SPG11: variants seen among roughly 807,000 people sequenced by gnomAD.
The protein encoded by SPG11 is spatacsin.
SPG11 carries 222 observed loss-of-function variants against 274.0 expected under a neutral mutation model. The observed-to-expected ratio is 0.81, with a 90% CI of 0.73 to 0.91. SPG11 has a LOEUF of 0.91. Ranked by LOEUF, SPG11 falls within the 40% of genes least tolerant of loss-of-function variation. SPG11 has a pLI of 0.00. For missense variants in SPG11, 3,114 were observed against 2,872.7 expected (o/e 1.08, Z -1.92); for synonymous variants, 1,144 against 1,039.7 (o/e 1.10, Z -1.93).
intron 2 of SPG11, 91 bp from the exon 3 acceptor site, chr15:44,659,394 A>T: frequency 1.7e-6 from 2 of 1,158,442 alleles, no homozygotes; most frequent in Non-Finnish European, 2.5e-6. Context: ...AAAAAAGTAA[A>T]ACAAAAAAGG....
intron 30 of SPG11, among the ~76,000 whole-genome samples, chr15:44,579,054 A>G (rs1328420831): frequency 6.6e-6 from 1 of 152,120 alleles, no homozygotes; most frequent in Non-Finnish European, 1.5e-5. Flanking sequence ...GCTACTCGGG[A>G]GGCTGAGACA....
Position 44,563,185 on chromosome 15 carries a change from A to C in SPG11, c.7268T>G (p.Ile2423Ser). 1 of 1,614,172 alleles carries C rather than the reference A, an allele frequency of 6.2e-7. No homozygotes were observed. The highest frequency in any genetic ancestry group is 1.7e-4 in the Middle Eastern group (1 of 6,060). ...KLAYEHKFYE[I>S]VNVLLKDPQT... ...AGGGTCCTTCAGAAGCACATTTACA[A>C]TTTCATAAAACTTGTGTTCGTATGC... Residue 2423 changes from isoleucine to serine, a missense_variant, in exon 40 of 40, where the codon ATT becomes AGT. By Grantham distance (142) the Ile-to-Ser change is moderately radical. Coordinates refer to ENST00000261866, the MANE Select transcript of SPG11 (RefSeq NM_025137.4).
chr15:44,628,149 T>A (rs1259594634), intron 10 of SPG11, among the ~76,000 whole-genome samples: 1 of 152,224 alleles, frequency 6.6e-6, no homozygotes, highest in East Asian at 1.9e-4. Flanking sequence ...ATTTTAGTTG[T>A]ATTATAACTT....
At position 44,595,297 on chromosome 15, in the gene SPG11, T is replaced by C; in HGVS notation, c.4597A>G (p.Ser1533Gly). ...TGGAAACCTCTGATGAGAGTTTTGC[T>C]CTTTTGTCTTGTTAATAATGTTCTC... is the stretch of plus-strand genomic sequence containing the variant. ...IWRTLLTRQK[S>G]KTLIRGFQLF... Residue 1533 changes from serine (S) to glycine (G), a missense_variant, in exon 26 of 40, where the codon AGC (serine) becomes GGC (glycine). Ser to Gly is a moderately conservative substitution (Grantham distance 56, BLOSUM62 0). Transcript: ENST00000261866. 1 of 1,614,248 alleles carries C rather than the reference T, an allele frequency of 6.2e-7. No homozygotes were observed. The highest frequency in any genetic ancestry group is 8.5e-7 in the Non-Finnish European group (1 of 1,180,036).
chr15:44,661,161 G>C (rs1424988253), intron 1 of SPG11, among the ~76,000 whole-genome samples: 1 of 152,080 alleles, frequency 6.6e-6, no homozygotes, highest in East Asian at 1.9e-4. Flanking sequence ...TGCAGCTACT[G>C]AACACTTGAA....
intron 28 of SPG11, among the ~76,000 whole-genome samples, chr15:44,587,718 A>AAAAAAAAAAAAAAAAAAAAAAAAAC (rs1567141736): frequency 6.7e-6 from 1 of 148,638 alleles, no homozygotes; most frequent in African/African-American, 2.6e-5. Flanking sequence ...AAAAAAAAAA[A>AAAAAAAAAAAAAAAAAAAAAAAAAC]AACGTATTCC....
At chr15:44,622,935 A>G (rs2083795239) in intron 11 of SPG11, 136 bp from the exon 12 acceptor site, 1 of 760,400 alleles carries the variant, frequency 1.3e-6, no homozygotes, top group Admixed American at 1.9e-5. Context: ...CTGCTCTTTC[A>G]AACACTCATT....
chr15:44,607,177 G>A (rs1442151212), intron 19 of SPG11, among the ~76,000 whole-genome samples: 1 of 152,156 alleles, frequency 6.6e-6, no homozygotes, highest in African/African-American at 2.4e-5. Context: ...ATCTCACCAC[G>A]TTCCAGCAAC....
At chr15:44,609,926 G>A (rs989804547) in intron 18 of SPG11, among the ~76,000 whole-genome samples, 16 of 136,416 alleles carry the variant, frequency 1.2e-4, no homozygotes, top group Admixed American at 4.6e-4. Context: ...TTTTTGAGAC[G>A]GAGTCTTGCT....
At position 44,584,278 on chromosome 15, in the gene SPG11, A is replaced by C. The variant is rs774357962; in HGVS notation, c.5402T>G (p.Ile1801Ser). ...LDKLEELEKQ[I>S]WLCRITQHTL... ...GTGCTGGGTGATGCGGCACAGCCAG[A>C]TCTGCTTCTCCAGCTCCTCCAGCTT... is the stretch of plus-strand genomic sequence containing the variant. The change falls in exon 30 of 40, where the codon ATC (isoleucine) becomes AGC (serine). Residue 1801 changes from isoleucine (I) to serine (S), a missense_variant. Physicochemically the swap from Ile to Ser is moderately radical, Grantham distance 142. Coordinates refer to ENST00000261866, the MANE Select transcript of SPG11 (RefSeq NM_025137.4). 8.1e-6 allele frequency: 13 copies of C among 1,613,470 alleles called. No homozygotes were observed. In the South Asian group the frequency reaches 1.4e-4, roughly 18 times the overall value.
At chr15:44,610,398 T>C (rs2083430828) in intron 18 of SPG11, among the ~76,000 whole-genome samples, 1 of 152,056 alleles carries the variant, frequency 6.6e-6, no homozygotes, top group Admixed American at 6.6e-5. Flanking sequence ...TTTTCTTTTT[T>C]TTGAGACGGA....
rs190718076 is a variant in SPG11 at position 44,652,168 on chromosome 15, T to C, written c.968A>G (p.Tyr323Cys). The stretch of plus-strand genomic sequence containing the variant: ...GGAAAACTTGGCCAGTTTCATGTTG[T>C]AGGCAGAGTTAACAGGATCATCTTC... The part of the protein sequence containing the change: ...VDEDDPVNSA[Y>C]NMKLAKFSFQ... Residue 323 changes from tyrosine (Y) to cysteine (C), a missense_variant, in exon 5 of 40, where the codon TAC (tyrosine) becomes TGC (cysteine). Transcript: ENST00000261866. 1.4e-5 allele frequency: 22 copies of C among 1,614,172 alleles called. No homozygotes were observed. In the East Asian group the frequency reaches 1.6e-4, roughly 11 times the overall value.
chr15:44,655,109 T>C (rs2084900304), intron 4 of SPG11, among the ~76,000 whole-genome samples: 1 of 152,134 alleles, frequency 6.6e-6, no homozygotes, highest in Admixed American at 6.6e-5. Flanking sequence ...AGTTCTTCTC[T>C]CCAGTAAATT....
chr15:44,611,288 A>G (rs1245096143), intron 17 of SPG11, among the ~76,000 whole-genome samples: 1 of 152,194 alleles, frequency 6.6e-6, no homozygotes, highest in Non-Finnish European at 1.5e-5. Context: ...GTTCTCAACA[A>G]AGAGCTCATC....
chr15:44,599,964 A>C (rs2083142757), intron 21 of SPG11, among the ~76,000 whole-genome samples: 1 of 152,202 alleles, frequency 6.6e-6, no homozygotes, highest in Non-Finnish European at 1.5e-5. Context: ...TCTAGGTTTT[A>C]AGCCCCGCAT....
intron 7 of SPG11, among the ~76,000 whole-genome samples, chr15:44,634,588 T>A (rs1380104776): frequency 6.6e-6 from 1 of 151,910 alleles, no homozygotes; most frequent in Non-Finnish European, 1.5e-5. Context: ...CCAGCCAGAT[T>A]CTCAGTTGTC....
chr15:44,614,187 AATGAT>A (rs1176938606), intron 16 of SPG11, among the ~76,000 whole-genome samples: 1 of 152,226 alleles, frequency 6.6e-6, no homozygotes. Flanking sequence ...AAGTAAGACT[AATGAT>A]ATGACATACC....
rs116635875 is a variant in SPG11, at chr15:44,567,405, T to C, written c.6754+19A>G. 3.6e-3 allele frequency: 5,857 copies of C among 1,610,970 alleles called. 170 individuals carry two copies. The African/African-American group carries it at 0.068, about 19-fold the overall frequency. Reference sequence around the variant, plus strand: ...AGCTAGCAGCACTGTTCTGGTAGTGTGGCTGTGACCTCACTCACCCCAGGG... The same window carrying C: ...AGCTAGCAGCACTGTTCTGGTAGTGCGGCTGTGACCTCACTCACCCCAGGG... On this transcript the variant is annotated intron_variant, in intron 36 of 39. Transcript: ENST00000261866.
chr15:44,600,622 A>C lies in SPG11; in HGVS notation c.3531T>G (p.Ser1177Arg). ...ANTLAIGDAW[S>R]HLPHFSSPDL... ...CAGGGCTAGAGAAATGTGGGAGATG[A>C]CTCCATGCATCTAGGGGGAAAGTAA... The change falls in exon 21 of 40, where the codon AGT becomes AGG. Residue 1177 changes from serine to arginine, a missense_variant. By Grantham distance (110) the Ser-to-Arg change is moderately radical (BLOSUM62 -1). Coordinates refer to ENST00000261866, the MANE Select transcript of SPG11 (RefSeq NM_025137.4). 1 of 1,613,854 alleles carries C rather than the reference A, an allele frequency of 6.2e-7. No homozygotes were observed. Among genetic ancestry groups the C allele is most frequent in the East Asian group, 2.2e-5 (1 of 44,876 alleles).
Sources: allele counts gnomAD v4.1 joint callset (sites outside exome capture counted in the v4.1 genomes callset), GRCh38; gene constraint gnomAD v4.1.1; transcripts MANE v1.5; gene names NCBI Gene and HGNC (gene_info 2026-07-23, HGNC 2026-07-21).